The following NPAS3 variants were observed in gnomAD, a reference collection of about 807,000 sequenced individuals.
NPAS3 encodes neuronal PAS domain protein 3.
NPAS3 carries 14 observed loss-of-function variants against 73.1 expected under a neutral mutation model. The ratio of observed to expected loss-of-function variants is 0.19; its 90% CI spans 0.13 to 0.30. The LOEUF (loss-of-function observed/expected upper bound fraction) is 0.30. Ranked by LOEUF, NPAS3 falls within the 10% of genes least tolerant of loss-of-function variation. The pLI, the probability that NPAS3 is intolerant of heterozygous loss-of-function variation, is 1.00. For missense variants in NPAS3, 1,096 were observed against 1,250.0 expected, an observed-to-expected ratio of 0.88 and a Z score of 1.86; for synonymous variants, 620 against 541.5, an observed-to-expected ratio of 1.14 and a Z score of -2.01.
At chr14:32,954,616 A>G (rs1434854505) in intron 1 of NPAS3, among the ~76,000 whole-genome samples, 1 of 151,934 alleles carries the variant, frequency 6.6e-6, no homozygotes, top group Admixed American at 6.6e-5. Flanking sequence ...TCTGCATCAT[A>G]CTGTTTTTCT....
intron 1 of NPAS3, among the ~76,000 whole-genome samples, chr14:33,012,648 A>G (rs2039249309): frequency 6.6e-6 from 1 of 151,880 alleles, no homozygotes; most frequent in South Asian, 2.1e-4. Context: ...TCCCGGGTTC[A>G]AGCGATTCTC....
At chr14:33,495,590 A>G (rs563633948) in intron 4 of NPAS3, among the ~76,000 whole-genome samples, 11 of 152,028 alleles carry the variant, frequency 7.2e-5, no homozygotes, top group Non-Finnish European at 1.3e-4. Flanking sequence ...TTCTCCCACT[A>G]TTATTGCGTG....
At chr14:32,977,460 A>G (rs1266490042) in intron 1 of NPAS3, among the ~76,000 whole-genome samples, 1 of 152,086 alleles carries the variant, frequency 6.6e-6, no homozygotes, top group Non-Finnish European at 1.5e-5. Flanking sequence ...GGCTGGGCAT[A>G]GTGGCTCACC....
intron 11 of NPAS3, among the ~76,000 whole-genome samples, chr14:33,798,977 C>CAA (rs35096703): frequency 0.02 from 2,094 of 106,180 alleles, 92 homozygotes; most frequent in African/African-American, 0.071. Context: ...CCTGTCTCTA[C>CAA]AAAAAAAAAA....
At chr14:33,092,829 T>C (rs2042274639) in intron 2 of NPAS3, among the ~76,000 whole-genome samples, 1 of 152,084 alleles carries the variant, frequency 6.6e-6, no homozygotes, top group Non-Finnish European at 1.5e-5. Flanking sequence ...TCTACAACCA[T>C]CTGATCTTTG....
At chr14:33,444,053 A>G (rs2139306931) in intron 4 of NPAS3, among the ~76,000 whole-genome samples, 1 of 152,278 alleles carries the variant, frequency 6.6e-6, no homozygotes, top group East Asian at 1.9e-4. Context: ...TTTCCATTTT[A>G]GTAGAAGAAA....
At chr14:33,442,979 T>C (rs999380580) in intron 4 of NPAS3, among the ~76,000 whole-genome samples, 4 of 152,220 alleles carry the variant, frequency 2.6e-5, no homozygotes, top group African/African-American at 9.6e-5. Context: ...CTCTCTCAAA[T>C]ACATTTTATC....
chr14:33,335,480 A>G (rs139675883), intron 3 of NPAS3, among the ~76,000 whole-genome samples: 587 of 152,284 alleles, frequency 3.9e-3, no homozygotes, highest in African/African-American at 0.013. Context: ...CTATTCTTGT[A>G]AGATAAGCTT....
intron 4 of NPAS3, among the ~76,000 whole-genome samples, chr14:33,523,222 C>A (rs2053635832): frequency 6.6e-6 from 1 of 152,080 alleles, no homozygotes; most frequent in African/African-American, 2.4e-5. Flanking sequence ...TCCTATTCAG[C>A]TTCAGAAATG....
chr14:33,063,460 T>C (rs898591162), intron 2 of NPAS3, among the ~76,000 whole-genome samples: 1 of 152,170 alleles, frequency 6.6e-6, no homozygotes, highest in Admixed American at 6.5e-5. Context: ...CCCCCAGTTT[T>C]TGTAAAGTTT....
intron 2 of NPAS3, among the ~76,000 whole-genome samples, chr14:33,112,430 G>A (rs1160818494): frequency 6.6e-6 from 1 of 152,170 alleles, no homozygotes; most frequent in African/African-American, 2.4e-5. Flanking sequence ...GTGATGATGA[G>A]CATTTTTTCA....
At chr14:33,299,648 G>C (rs1211947910) in intron 3 of NPAS3, among the ~76,000 whole-genome samples, 2 of 152,036 alleles carry the variant, frequency 1.3e-5, no homozygotes, top group African/African-American at 4.8e-5. Context: ...TTGTGCTTAA[G>C]TTTGTGCTGA....
At chr14:33,525,530 A>T (rs2053758690) in intron 4 of NPAS3, among the ~76,000 whole-genome samples, 1 of 152,206 alleles carries the variant, frequency 6.6e-6, no homozygotes, top group Non-Finnish European at 1.5e-5. Context: ...GCACAGTGCT[A>T]GGCTCTAGAG....
At chr14:32,938,872 C>A (rs891629114), upstream of NPAS3, among the ~76,000 whole-genome samples, 14 of 146,304 alleles carry the variant, frequency 9.6e-5, no homozygotes, top group African/African-American at 3.4e-4. Flanking sequence ...CCTCCTCCGC[C>A]GCCGCCGCCG....
intron 2 of NPAS3, among the ~76,000 whole-genome samples, chr14:33,169,930 C>A (rs2045324368): frequency 6.6e-6 from 1 of 152,184 alleles, no homozygotes; most frequent in South Asian, 2.1e-4. Context: ...CTTTTCTTTA[C>A]ATCAGTGAAA....
intron 4 of NPAS3, among the ~76,000 whole-genome samples, chr14:33,491,349 C>A (rs1311228465): frequency 2.6e-5 from 4 of 152,014 alleles, no homozygotes; most frequent in Admixed American, 6.6e-5. Context: ...ACACAGTCTT[C>A]TAGATCTCAG....
intron 1 of NPAS3, among the ~76,000 whole-genome samples, chr14:32,971,088 C>CTTTT (rs61429455): frequency 1.4e-5 from 2 of 142,174 alleles, no homozygotes; most frequent in African/African-American, 2.6e-5. Flanking sequence ...TTTCTTTTTT[C>CTTTT]TTTTTTTTTT....
Position 33,009,574 on chromosome 14 carries a change from G to A in NPAS3, c.51-46331G>A, listed in dbSNP as rs113119816. On this transcript the variant is annotated intron_variant, in intron 1 of 11. Transcript: ENST00000356141. Reference sequence around the variant, plus strand: ...ACTGGTGCTGGTGTAATGGAAGCATGAGCAGTAGCATAAATAGTGGTAGTA... The same window carrying A: ...ACTGGTGCTGGTGTAATGGAAGCATAAGCAGTAGCATAAATAGTGGTAGTA... 2.0e-3 allele frequency among the ~76,000 whole-genome samples: 311 copies of A among 152,282 alleles called. 1 individual carries two copies. Among genetic ancestry groups the A allele is most frequent in the African/African-American group, 7.2e-3 (299 of 41,560 alleles).
intron 7 of NPAS3, among the ~76,000 whole-genome samples, chr14:33,755,348 G>T (rs74042402): frequency 0.19 from 28,293 of 151,880 alleles, 2,763 homozygotes; most frequent in Middle Eastern, 0.21. Flanking sequence ...TTCTATTATT[G>T]GTACATTTAT....
Sources: gnomAD v4.1 joint callset for allele counts (sites outside exome capture counted in the v4.1 genomes callset) on GRCh38, gnomAD v4.1.1 for gene constraint, MANE v1.5 for transcripts, NCBI Gene and HGNC (gene_info 2026-07-23, HGNC 2026-07-21) for gene names.